APBB2: variants seen among roughly 807,000 people sequenced by gnomAD.
APBB2 encodes amyloid beta precursor protein binding family B member 2.
In APBB2, 38 loss-of-function variants were observed where a neutral mutation model predicts 82.5. The observed-to-expected ratio is 0.46, with a 90% CI of 0.36 to 0.60. The LOEUF is 0.60. Among genes scored for constraint, APBB2 ranks in the 20% least tolerant of loss-of-function variants. The probability of loss-of-function intolerance (pLI) is 0.00; values close to 1 mark genes in which losing one functional copy is unlikely to be tolerated. For missense variants in APBB2, 772 were observed against 972.3 expected (o/e 0.79, Z 2.74); for synonymous variants, 341 against 368.2 (o/e 0.93, Z 0.85).
At chr4:40,980,570 T>A (rs1490118018) in intron 6 of APBB2, among the ~76,000 whole-genome samples, 1 of 152,116 alleles carries the variant, frequency 6.6e-6, no homozygotes, top group Non-Finnish European at 1.5e-5. Context: ...TACAACTGTT[T>A]GTTTCAAGGA....
chr4:41,214,254 C>T (rs1780089624), intron 1 of APBB2, among the ~76,000 whole-genome samples, 151 bp downstream of exon 1: 1 of 152,144 alleles, frequency 6.6e-6, no homozygotes, highest in Non-Finnish European at 1.5e-5. Context: ...CAGCAGTGGC[C>T]GCGGAGCCCC....
rs144183639 is a variant in APBB2 at position 41,077,883 on chromosome 4, G to C, written c.-148-12210C>G. On this transcript the variant is annotated intron_variant, in intron 3 of 17. Coordinates refer to ENST00000508593, the MANE Select transcript of APBB2 (RefSeq NM_004307.2). ...AAACAGTCCAGAACAGAATGAGCAA[G>C]CAGAGAGCCCAAGAAAAATGTCACA... Among the ~76,000 whole-genome samples the C allele has an allele frequency of 3.2e-4, 49 of 152,308 alleles. No individual in the cohort carries two copies. In the East Asian group the frequency reaches 8.5e-3, roughly 26 times the overall value.
intron 12 of APBB2, among the ~76,000 whole-genome samples, chr4:40,849,925 T>C (rs1268569641): frequency 6.6e-6 from 1 of 152,106 alleles, no homozygotes; most frequent in Admixed American, 6.5e-5. Context: ...GGTTTCACCA[T>C]GTTGCTCAGT....
chr4:40,847,425 G>A (rs964233220), intron 12 of APBB2, among the ~76,000 whole-genome samples: 3 of 152,206 alleles, frequency 2.0e-5, no homozygotes, highest in Non-Finnish European at 2.9e-5. Context: ...TCGTGCCTCT[G>A]CACTCCTGCC....
intron 4 of APBB2, among the ~76,000 whole-genome samples, chr4:41,037,290 T>C (rs1403358320): frequency 6.6e-6 from 1 of 152,190 alleles, no homozygotes; most frequent in African/African-American, 2.4e-5. Context: ...ATACTTGGCG[T>C]GGAAAAAATG....
At position 41,203,528 on chromosome 4, in the gene APBB2, C is replaced by A. The variant is rs939763134; in HGVS notation, c.-417+10877G>T. Among the ~76,000 whole-genome samples, 6 of 152,126 alleles carry A rather than the reference C, an allele frequency of 3.9e-5. No individual in the cohort carries two copies. The South Asian group carries it at 6.2e-4, about 16-fold the overall frequency. ...AATTTGAATGCAGGAGGTTTTCCCC[C>A]CTGAATTCTGGAACATGGAGACCCT... On this transcript the variant is annotated intron_variant, in intron 1 of 17. Coordinates refer to ENST00000508593, the MANE Select transcript of APBB2 (RefSeq NM_004307.2).
chr4:41,165,249 G>A (rs1436532038), intron 1 of APBB2, among the ~76,000 whole-genome samples: 2 of 152,100 alleles, frequency 1.3e-5, no homozygotes, highest in South Asian at 2.1e-4. Flanking sequence ...AAGAGTACCC[G>A]TCTTTCAAGG....
At chr4:40,975,027 G>C (rs898209280) in intron 6 of APBB2, among the ~76,000 whole-genome samples, 8 of 152,154 alleles carry the variant, frequency 5.3e-5, no homozygotes, top group African/African-American at 1.7e-4. Flanking sequence ...CTCTACCACT[G>C]CTAACTGACA....
chr4:41,129,981 C>T (rs1755521774), intron 2 of APBB2, among the ~76,000 whole-genome samples: 1 of 151,990 alleles, frequency 6.6e-6, no homozygotes, highest in East Asian at 1.9e-4. Context: ...ATTTTTAAAA[C>T]ATCGATCAGG....
intron 6 of APBB2, among the ~76,000 whole-genome samples, chr4:40,959,660 T>C (rs1300467864): frequency 6.6e-6 from 1 of 152,212 alleles, no homozygotes; most frequent in Admixed American, 6.5e-5. Context: ...AATTACAAGC[T>C]GAAGTGGGCG....
intron 4 of APBB2, among the ~76,000 whole-genome samples, chr4:41,051,484 T>C (rs1725916303): frequency 6.6e-6 from 1 of 152,166 alleles, no homozygotes; most frequent in Non-Finnish European, 1.5e-5. Flanking sequence ...AAATCTTCTC[T>C]CAACTTCCCT....
chr4:40,875,974 C>T (rs1279203909), intron 12 of APBB2, among the ~76,000 whole-genome samples: 1 of 152,156 alleles, frequency 6.6e-6, no homozygotes, highest in Non-Finnish European at 1.5e-5. Context: ...GTCTAGGCAG[C>T]AGTACATGTG....
intron 2 of APBB2, among the ~76,000 whole-genome samples, chr4:41,140,213 G>A (rs6820527): frequency 0.051 from 7,724 of 152,188 alleles, 424 homozygotes; most frequent in African/African-American, 0.13. Flanking sequence ...CTTTCTGATA[G>A]CCTCTCATTT....
rs879415133 is a variant in APBB2 at position 41,087,595 on chromosome 4, A to AT, written c.-149+13043dup. On this transcript the variant is annotated intron_variant, in intron 3 of 17. Coordinates refer to ENST00000508593, the MANE Select transcript of APBB2 (RefSeq NM_004307.2). ...AAGCATGCATCACCATGACTGGCTA[A>AT]TTTTTTTTTTTTTTAGTAGAGATGG... 2.9e-3 allele frequency among the ~76,000 whole-genome samples: 418 copies of AT among 144,840 alleles called. 1 individual carries two copies. The highest frequency in any genetic ancestry group is 7.6e-3 in the African/African-American group (302 of 39,612).
At chr4:40,851,408 A>G (rs1395072606) in intron 12 of APBB2, among the ~76,000 whole-genome samples, 1 of 152,208 alleles carries the variant, frequency 6.6e-6, no homozygotes, top group Non-Finnish European at 1.5e-5. Context: ...TGGCTCTTAC[A>G]GTGTTTTAAA....
intron 5 of APBB2, among the ~76,000 whole-genome samples, chr4:41,033,005 G>A (rs965491249): frequency 1.3e-5 from 2 of 151,432 alleles, no homozygotes; most frequent in Admixed American, 1.3e-4. Context: ...GGATGGTCTC[G>A]ATCTCCTGAC....
chr4:41,006,694 G>A (rs1241153909), intron 6 of APBB2, among the ~76,000 whole-genome samples: 1 of 152,132 alleles, frequency 6.6e-6, no homozygotes, highest in African/African-American at 2.4e-5. Context: ...TCAAACTCCT[G>A]AGCTCAGGTG....
At chr4:40,887,435 T>C (rs1770640281) in intron 12 of APBB2, among the ~76,000 whole-genome samples, 1 of 152,138 alleles carries the variant, frequency 6.6e-6, no homozygotes, top group African/African-American at 2.4e-5. Flanking sequence ...CAAAAGAGAA[T>C]GTGAAATGGG....
intron 1 of APBB2, among the ~76,000 whole-genome samples, chr4:41,185,936 C>T (rs1772770425): frequency 6.6e-6 from 1 of 152,152 alleles, no homozygotes; most frequent in Admixed American, 6.5e-5. Flanking sequence ...ATACCAAAAA[C>T]ACCCCCAACA....
Sources: allele counts gnomAD v4.1 joint callset (sites outside exome capture counted in the v4.1 genomes callset), GRCh38; gene constraint gnomAD v4.1.1; transcripts MANE v1.5; gene names NCBI Gene and HGNC (gene_info 2026-07-23, HGNC 2026-07-21).